The following ADGRD1 variants were observed in gnomAD, a reference collection of about 807,000 sequenced individuals.
ADGRD1 encodes adhesion G protein-coupled receptor D1.
ADGRD1 carries 77 observed loss-of-function variants against 113.4 expected under a neutral mutation model. That is an observed-to-expected ratio of 0.68 (90% CI 0.57 to 0.82). ADGRD1 has a LOEUF of 0.82. ADGRD1 is among the 40% of genes least tolerant of loss of function. The pLI is 0.00. For synonymous variants in ADGRD1, 474 were observed against 475.0 expected, an observed-to-expected ratio of 1.00 and a Z score of 0.03; for missense variants, 1,036 against 1,139.1, an observed-to-expected ratio of 0.91 and a Z score of 1.30.
intron 24 of ADGRD1, 74 bp from the exon 25 acceptor site, chr12:131,139,094 C>G: frequency 2.6e-6 from 3 of 1,152,992 alleles, no homozygotes; most frequent in South Asian, 1.3e-5. Context: ...GCCCAATGCT[C>G]CCCGCACTCA....
At chr12:131,030,904 T>C (rs900274651) in intron 13 of ADGRD1, 1 of 152,236 alleles carries the variant, frequency 6.6e-6, no homozygotes, top group African/African-American at 2.4e-5. Flanking sequence ...CTGCAGCCTG[T>C]TGTTCTGGGG....
chr12:130,996,103 T>G (rs952379950), intron 8 of ADGRD1, among the ~76,000 whole-genome samples: 1 of 152,162 alleles, frequency 6.6e-6, no homozygotes, highest in South Asian at 2.1e-4. Context: ...GGTAAGGTCA[T>G]AGATCAACAG....
chr12:131,012,230 GA>G (rs1195717416), intron 12 of ADGRD1, among the ~76,000 whole-genome samples: 1 of 150,682 alleles, frequency 6.6e-6, no homozygotes, highest in Non-Finnish European at 1.5e-5. Context: ...GGGCTATAAT[GA>G]AAAAAATGGT....
chr12:131,080,021 T>C (rs970878824), intron 14 of ADGRD1, among the ~76,000 whole-genome samples: 1 of 152,192 alleles, frequency 6.6e-6, no homozygotes, highest in Non-Finnish European at 1.5e-5. Context: ...TTCTTTGAGT[T>C]TAATTTGCTC....
At chr12:131,083,339 C>T (rs745674484) in intron 14 of ADGRD1, among the ~76,000 whole-genome samples, 5 of 151,848 alleles carry the variant, frequency 3.3e-5, no homozygotes, top group South Asian at 4.2e-4. Flanking sequence ...CAGTGGCTCA[C>T]GCCTATAATC....
intron 4 of ADGRD1, among the ~76,000 whole-genome samples, chr12:130,976,054 C>T (rs2136559885): frequency 6.6e-6 from 1 of 152,352 alleles, no homozygotes; most frequent in Middle Eastern, 3.4e-3. Context: ...TGGAGCATCT[C>T]CGCACGGCCA....
chr12:131,098,714 CT>C (rs1950001079), intron 15 of ADGRD1, among the ~76,000 whole-genome samples: 1 of 152,200 alleles, frequency 6.6e-6, no homozygotes. Flanking sequence ...GCCACCGCCC[CT>C]GTGTGTTTCC....
At chr12:131,001,397 G>C (rs1876374072) in intron 9 of ADGRD1, among the ~76,000 whole-genome samples, 1 of 152,168 alleles carries the variant, frequency 6.6e-6, no homozygotes, top group Non-Finnish European at 1.5e-5. Flanking sequence ...CTAAAACTGA[G>C]ATTATTAACA....
chr12:131,132,099 TG>T (rs1342699980), intron 21 of ADGRD1, among the ~76,000 whole-genome samples: 5 of 152,098 alleles, frequency 3.3e-5, no homozygotes, highest in Non-Finnish European at 5.9e-5. Flanking sequence ...GATGAGCAGC[TG>T]GGGGGCGGCA....
In ADGRD1 at chr12:131,139,506, T is replaced by C; in HGVS notation, c.*243T>C. 1 of 487,462 alleles carries C rather than the reference T, an allele frequency of 2.1e-6. No individual in the cohort carries two copies. Among genetic ancestry groups the C allele is most frequent in the South Asian group, 2.3e-5 (1 of 42,924 alleles). 30.2% of individuals were successfully genotyped at this position (487,462 alleles called of 1,614,324 possible). On this transcript the variant is annotated 3_prime_UTR_variant, in exon 25 of 25. Coordinates refer to ENST00000261654, the MANE Select transcript of ADGRD1 (RefSeq NM_198827.5). ...GCATCCACCCGTGGGCTGAGTGACTTCCTCGGGGGATTCCCAGGACACAGT... is the reference window on the plus strand; with the variant it reads ...GCATCCACCCGTGGGCTGAGTGACTCCCTCGGGGGATTCCCAGGACACAGT...
chr12:131,036,102 C>G (rs773513868), intron 13 of ADGRD1, among the ~76,000 whole-genome samples: 13 of 152,198 alleles, frequency 8.5e-5, no homozygotes, highest in East Asian at 5.8e-4. Flanking sequence ...TTATATCAGG[C>G]CCCTGGAGAG....
rs1298467125 is a variant in ADGRD1, at chr12:131,022,046, C to T, written c.1473+7706C>T. ...GGATACTGGTCACGTTGGATTAGGG[C>T]CTACTCTAATGACCTCATTTTATCT... On this transcript the variant is annotated intron_variant, in intron 13 of 24. Transcript: ENST00000261654. The surrounding 1 kb of genome is among the most constrained non-coding windows in gnomAD (Gnocchi z 4.6). Among the ~76,000 whole-genome samples the T allele has an allele frequency of 6.6e-6, 1 of 152,104 alleles. No individual in the cohort carries two copies. Among genetic ancestry groups the T allele is most frequent in the African/African-American group, 2.4e-5 (1 of 41,414 alleles).
intron 13 of ADGRD1, chr12:131,024,577 C>T (rs557402743): frequency 2.6e-5 from 4 of 152,332 alleles, no homozygotes; most frequent in African/African-American, 4.8e-5. Context: ...CATTGTGTTA[C>T]AGCCGCTGGC....
intron 15 of ADGRD1, among the ~76,000 whole-genome samples, chr12:131,098,919 G>T (rs1950005098): frequency 6.6e-6 from 1 of 152,260 alleles, no homozygotes; most frequent in Non-Finnish European, 1.5e-5. Flanking sequence ...CTCGCCAGCT[G>T]CATGGTGGTG....
rs1172296061 is a variant in ADGRD1, at chr12:131,076,873, AG to A, written c.1547+1del. 6.2e-7 allele frequency: 1 copy of A among 1,613,612 alleles called. No individual in the cohort carries two copies. The highest frequency in any genetic ancestry group is 8.5e-7 in the Non-Finnish European group (1 of 1,179,618). ...VFVYCAFLDF[S>X]SGEGVWSNHG... ...CGTGTACTGCGCCTTCCTGGACTTC[AG>A]GTACCCTCTGCACAGGGGAGAGCAG... On this transcript the variant is annotated frameshift_variant and splice_region_variant, in exon 14 of 25. Coordinates refer to ENST00000261654, the MANE Select transcript of ADGRD1 (RefSeq NM_198827.5). LOFTEE classifies it high-confidence loss of function.
chr12:130,993,559 T>C (rs149776367), intron 8 of ADGRD1, among the ~76,000 whole-genome samples: 4,910 of 152,058 alleles, frequency 0.032, 111 homozygotes, highest in Middle Eastern at 0.058. Flanking sequence ...TCAGCGGTCC[T>C]GGAGTCACAG....
intron 15 of ADGRD1, among the ~76,000 whole-genome samples, chr12:131,094,433 C>T (rs1358539312): frequency 6.6e-6 from 1 of 151,806 alleles, no homozygotes; most frequent in Non-Finnish European, 1.5e-5. Context: ...CGGTCTATTG[C>T]CCTGTTGATG....
chr12:130,954,592 G>C lies in ADGRD1; in HGVS notation c.67-32G>C. 2 of 1,614,028 alleles carry C rather than the reference G, an allele frequency of 1.2e-6. No individual in the cohort carries two copies. The highest frequency in any genetic ancestry group is 1.7e-6 in the Non-Finnish European group (2 of 1,179,920). On this transcript the variant is annotated intron_variant, in intron 1 of 24. Transcript: ENST00000261654. This position sits in a 1 kb window ranked among gnomAD's most constrained non-coding sequence, Gnocchi z 4.7. ...TGGTTTCTCCGGAGGCTTTCCCTGA[G>C]TGTGTCTCACACTGTGGTCTTTTGT...
At chr12:131,032,238 C>T (rs151191880) in intron 13 of ADGRD1, among the ~76,000 whole-genome samples, 433 of 152,296 alleles carry the variant, frequency 2.8e-3, no homozygotes, top group African/African-American at 0.01. Flanking sequence ...CCCTCTCCAC[C>T]CTGGCGGTGG....
Sources: gnomAD v4.1 joint callset for allele counts (sites outside exome capture counted in the v4.1 genomes callset) on GRCh38, gnomAD v4.1.1 for gene constraint, Gnocchi (gnomAD v3.1) non-coding constraint, MANE v1.5 for transcripts, NCBI Gene and HGNC (gene_info 2026-07-23, HGNC 2026-07-21) for gene names.